The following ZNF253 variants were observed in gnomAD, a reference collection of about 807,000 sequenced individuals.
The protein encoded by ZNF253 is DNA-binding protein.
Under a neutral mutation model 11.9 loss-of-function variants are expected in ZNF253, and 8 were observed. The ratio of observed to expected loss-of-function variants is 0.67; its 90% CI spans 0.40 to 1.22. The LOEUF (loss-of-function observed/expected upper bound fraction) is 1.22, where lower values mean the gene tolerates loss of function less well. Among genes scored for constraint, ZNF253 ranks in the 50% most tolerant of loss-of-function variants. The pLI is 0.01. For synonymous variants in ZNF253, 194 were observed against 194.9 expected (o/e 1.00, Z 0.04); for missense variants, 485 against 586.9 (o/e 0.83, Z 1.79).
chr19:19,889,917 G>T (rs1234821904), intron 3 of ZNF253, among the ~76,000 whole-genome samples: 3 of 152,196 alleles, frequency 2.0e-5, no homozygotes, highest in Admixed American at 2.0e-4. Context: ...TAGAATTACA[G>T]GAATGAGCTT....
chr19:19,880,082 C>T lies in ZNF253; in HGVS notation c.162C>T (p.Thr54=), dbSNP rs1294598710. ...GIVVSKPDLV[T]CLEQGKKPLT... ...TTGTCTCTAAGCCAGACCTGGTTAC[C>T]TGTCTGGAGCAAGGAAAAAAACCTT... The change falls in exon 3 of 4, where the codon ACC becomes ACT. Residue 54 remains threonine (T), a synonymous_variant. Transcript: ENST00000589717. 6.2e-7 allele frequency: 1 copy of T among 1,607,508 alleles called. No homozygotes were observed. The highest frequency in any genetic ancestry group is 1.7e-5 in the Admixed American group (1 of 58,912).
intron 1 of ZNF253, chr19:19,871,028 C>T (rs943260198): frequency 6.6e-6 from 1 of 152,136 alleles, no homozygotes; most frequent in African/African-American, 2.4e-5. Context: ...AGATGGAGAT[C>T]TGTTTTTCTC....
At chr19:19,880,212 A>C (rs2063171815) in intron 3 of ZNF253, 66 bp downstream of exon 3, 3 of 1,222,446 alleles carry the variant, frequency 2.5e-6, no homozygotes, top group Non-Finnish European at 3.4e-6. Flanking sequence ...CAAAGAGAAA[A>C]CCAGTCTTTA....
intron 1 of ZNF253, among the ~76,000 whole-genome samples, chr19:19,866,670 G>A (rs2063112615): frequency 6.6e-6 from 1 of 151,978 alleles, no homozygotes. Context: ...GGCTGATTTT[G>A]TATTTTTAGT....
intron 3 of ZNF253, among the ~76,000 whole-genome samples, chr19:19,883,506 G>A (rs2063186354): frequency 6.6e-6 from 1 of 152,034 alleles, no homozygotes; most frequent in African/African-American, 2.4e-5. Flanking sequence ...CAGCTACTTG[G>A]GAGATTGAGA....
chr19:19,872,988 C>A (rs916350001), intron 1 of ZNF253, among the ~76,000 whole-genome samples: 12 of 152,188 alleles, frequency 7.9e-5, no homozygotes, highest in African/African-American at 2.9e-4. Flanking sequence ...AAGGGCCGGA[C>A]TTTGGATTGT....
upstream of ZNF253, chr19:19,865,878 C>T: frequency 7.6e-7 from 1 of 1,316,266 alleles, no homozygotes; most frequent in South Asian, 1.2e-5. Context: ...AGCGGGAGCT[C>T]CAGGTTTATC....
chr19:19,889,026 CTA>C (rs925034210), intron 3 of ZNF253, among the ~76,000 whole-genome samples: 16 of 152,212 alleles, frequency 1.1e-4, no homozygotes, highest in African/African-American at 3.8e-4. Flanking sequence ...TCTTATAAGA[CTA>C]TGCTTATAAA....
chr19:19,888,571 A>C (rs2063215953), intron 3 of ZNF253, among the ~76,000 whole-genome samples: 1 of 152,132 alleles, frequency 6.6e-6, no homozygotes, highest in African/African-American at 2.4e-5. Context: ...TAATGCAGTA[A>C]AAAATTAACT....
chr19:19,885,375 TCTTTC>T (rs1568499355), intron 3 of ZNF253, among the ~76,000 whole-genome samples: 7 of 85,234 alleles, frequency 8.2e-5, no homozygotes, highest in African/African-American at 5.8e-4. Context: ...TTCTTTCTTT[TCTTTC>T]TTTTCTTTCT....
At chr19:19,872,694 T>C (rs1008305479) in intron 1 of ZNF253, among the ~76,000 whole-genome samples, 1 of 151,512 alleles carries the variant, frequency 6.6e-6, no homozygotes, top group Admixed American at 6.6e-5. Flanking sequence ...AATCCTCTTA[T>C]AACTGCTGCT....
rs1240761533 is a variant in ZNF253, at chr19:19,892,137, C to T, written c.890C>T (p.Ser297Leu). 1.9e-6 allele frequency: 3 copies of T among 1,613,880 alleles called. No homozygotes were observed. In the African/African-American group the frequency reaches 4.0e-5, roughly 22 times the overall value. ...TGTGGCAAAGCCTTTAAGCACCCCT[C>T]ACACGTTACCACACATAAGAAAATT... ...EECGKAFKHP[S>L]HVTTHKKIHT... The change falls in exon 4 of 4, where the codon TCA becomes TTA. Residue 297 changes from serine (S) to leucine (L), a missense_variant. Physicochemically the swap from Ser to Leu is moderately radical, Grantham distance 145. This residue lies in a region of ZNF253 where 232 missense variants were observed against 321.4 expected (regional missense o/e 0.72). Transcript: ENST00000589717.
At chr19:19,890,541 T>TGTGTGTGA (rs1207129318) in intron 3 of ZNF253, among the ~76,000 whole-genome samples, 43 of 148,446 alleles carry the variant, frequency 2.9e-4, no homozygotes, top group African/African-American at 9.4e-4. Flanking sequence ...TGTGTGTGTG[T>TGTGTGTGA]GACAGAGTCT....
Position 19,885,333 on chromosome 19 carries a change from TC to T in ZNF253, c.226+5188del, listed in dbSNP as rs1568499214. Among the ~76,000 whole-genome samples the T allele has an allele frequency of 2.1e-3, 215 of 100,070 alleles. 25 individuals are homozygous for T. The highest frequency in any genetic ancestry group is 0.011 in the African/African-American group (170 of 15,116). The allele number at this position is 100,070 out of a possible 152,430, so 65.6% of individuals were successfully genotyped here. ...TTCTTTCTTTCTTTCTTTCTTTCTTTCTTTCTTTCTTTCTTTCTTTCTTCCT... is the reference window on the plus strand; with the variant it reads ...TTCTTTCTTTCTTTCTTTCTTTCTTTTTTCTTTCTTTCTTTCTTTCTTCCT... On this transcript the variant is annotated intron_variant, in intron 3 of 3. Coordinates refer to ENST00000589717, the MANE Select transcript of ZNF253 (RefSeq NM_021047.3).
At chr19:19,883,600 T>C (rs1041446236) in intron 3 of ZNF253, among the ~76,000 whole-genome samples, 5 of 152,162 alleles carry the variant, frequency 3.3e-5, no homozygotes, top group African/African-American at 1.2e-4. Flanking sequence ...ATTTCAGGCA[T>C]GTTAAGTATA....
chr19:19,879,375 C>T (rs1383032919), intron 2 of ZNF253, among the ~76,000 whole-genome samples: 5 of 151,764 alleles, frequency 3.3e-5, no homozygotes, highest in Admixed American at 2.0e-4. Flanking sequence ...TCTCTGAACC[C>T]CCACCTTATT....
chr19:19,875,411 T>TCTTTCTTTCTTTCTTTC, intron 1 of ZNF253, among the ~76,000 whole-genome samples: 1 of 150,698 alleles, frequency 6.6e-6, no homozygotes, highest in African/African-American at 2.5e-5. Context: ...TTTCTTTCTT[T>TCTTTCTTTCTTTCTTTC]TTTGAGATGG....
rs138934446 is a variant in ZNF253 at position 19,866,839 on chromosome 19, C to G, written c.3+840C>G. Among the ~76,000 whole-genome samples the G allele has an allele frequency of 9.8e-3, 1,495 of 152,220 alleles. 13 individuals are homozygous for G. Among genetic ancestry groups the G allele is most frequent in the South Asian group, 0.029 (138 of 4,820 alleles). ...ATTGGCCGGGGTCTGACCTCACAAT[C>G]TAGGCTGACCCGATTGGCTACTTTC... On this transcript the variant is annotated intron_variant, in intron 1 of 3. Transcript: ENST00000589717.
intron 3 of ZNF253, among the ~76,000 whole-genome samples, chr19:19,885,422 G>A (rs923961958): frequency 1.4e-5 from 2 of 139,956 alleles, no homozygotes; most frequent in Non-Finnish European, 3.1e-5. Context: ...ATGGAGTCTT[G>A]CTCTGTCCCC....
Sources: gnomAD v4.1 joint callset for allele counts (sites outside exome capture counted in the v4.1 genomes callset) on GRCh38, gnomAD v4.1.1 for gene constraint, gnomAD v4.1.1 regional missense constraint, MANE v1.5 for transcripts, NCBI Gene and HGNC (gene_info 2026-07-23, HGNC 2026-07-21) for gene names.